The following IL33 variants were observed in gnomAD, a reference collection of about 807,000 sequenced individuals.
The protein encoded by IL33 is interleukin 33.
IL33 carries 37 observed loss-of-function variants against 27.3 expected under a neutral mutation model. The ratio of observed to expected loss-of-function variants is 1.36; its 90% CI spans 1.04 to 1.78. IL33 has a LOEUF of 1.78. IL33 is among the 40% of genes most tolerant of loss of function. The probability of loss-of-function intolerance (pLI) is 0.00; values close to 1 mark genes in which losing one functional copy is unlikely to be tolerated. For missense variants in IL33, 406 were observed against 311.4 expected (o/e 1.30, Z -2.29); for synonymous variants, 132 against 102.9 (o/e 1.28, Z -1.71).
Position 6,253,589 on chromosome 9 carries a change from C to T in IL33, c.507C>T (p.Pro169=). 3 of 1,607,846 alleles carry T rather than the reference C, an allele frequency of 1.9e-6. No individual in the cohort carries two copies. The highest frequency in any genetic ancestry group is 1.1e-5 in the South Asian group (1 of 90,402). ...TGAGTTACTATGAGTCTCAACACCCCTCAAATGAATCAGGTAATTTGGAGG... is the reference window on the plus strand; with the variant it reads ...TGAGTTACTATGAGTCTCAACACCCTTCAAATGAATCAGGTAATTTGGAGG... ...VLLSYYESQH[P]SNESGDGVDG... is the part of the protein sequence containing the mutation. Residue 169 remains proline (P), a synonymous_variant, in exon 6 of 8, where the codon CCC becomes CCT. Transcript: ENST00000682010.
chr9:6,243,076 G>C (rs1209415367), intron 2 of IL33, among the ~76,000 whole-genome samples: 2 of 152,192 alleles, frequency 1.3e-5, no homozygotes, highest in Non-Finnish European at 2.9e-5. Flanking sequence ...TGAGTGGTCT[G>C]CCCCATGATC....
chr9:6,235,874 GA>G (rs1221680004), intron 1 of IL33, among the ~76,000 whole-genome samples: 9 of 152,106 alleles, frequency 5.9e-5, no homozygotes, highest in African/African-American at 2.2e-4. Flanking sequence ...CAAGTTTTTG[GA>G]AGTCAATTCA....
chr9:6,240,774 T>A (rs887583460), intron 1 of IL33, among the ~76,000 whole-genome samples: 3 of 152,170 alleles, frequency 2.0e-5, no homozygotes, highest in Non-Finnish European at 2.9e-5. Flanking sequence ...CCTTTTTCCA[T>A]AATAAATTAA....
chr9:6,246,197 A>G (rs1013994127), intron 2 of IL33, among the ~76,000 whole-genome samples: 1 of 151,642 alleles, frequency 6.6e-6, no homozygotes. Flanking sequence ...ATTTTTTATT[A>G]TAAGGACTGC....
At chr9:6,219,176 G>T (rs2066362) in intron 1 of IL33, among the ~76,000 whole-genome samples, 33,966 of 151,390 alleles carry the variant, frequency 0.22, 5,028 homozygotes, top group African/African-American at 0.42. Flanking sequence ...CAGAAAGAAA[G>T]GGACCTTAAT....
chr9:6,220,868 C>G (rs1279201666), intron 1 of IL33, among the ~76,000 whole-genome samples: 1 of 152,154 alleles, frequency 6.6e-6, no homozygotes, highest in East Asian at 1.9e-4. Flanking sequence ...ATCCTCCCAC[C>G]TCAGCCTCCT....
chr9:6,243,520 AT>A (rs1819653736), intron 2 of IL33, among the ~76,000 whole-genome samples: 2 of 151,904 alleles, frequency 1.3e-5, no homozygotes, highest in Non-Finnish European at 2.9e-5. Context: ...TACCTGGCTA[AT>A]TTTTTGTATT....
intron 1 of IL33, among the ~76,000 whole-genome samples, chr9:6,216,859 C>T (rs1490479513): frequency 6.6e-6 from 1 of 152,164 alleles, no homozygotes; most frequent in East Asian, 1.9e-4. Context: ...CTTAATGGGA[C>T]CTGACCCTGG....
intron 1 of IL33, among the ~76,000 whole-genome samples, chr9:6,236,376 T>G (rs1232168619): frequency 6.6e-6 from 1 of 152,226 alleles, no homozygotes; most frequent in African/African-American, 2.4e-5. Flanking sequence ...CATTTACATA[T>G]TTTCTAAGTG....
intron 2 of IL33, among the ~76,000 whole-genome samples, chr9:6,245,654 G>T (rs190277834): frequency 6.6e-6 from 1 of 151,878 alleles, no homozygotes; most frequent in Non-Finnish European, 1.5e-5. Flanking sequence ...TAGAGAGGAC[G>T]GACTAGATTT....
intron 2 of IL33, among the ~76,000 whole-genome samples, chr9:6,245,079 C>T (rs1819753197): frequency 6.6e-6 from 1 of 152,166 alleles, no homozygotes; most frequent in Admixed American, 6.5e-5. Flanking sequence ...TTCCTCTTCT[C>T]CTACTTTCTT....
intron 7 of IL33, 35 bp downstream of exon 7, chr9:6,254,588 T>C (rs1307324750): frequency 7.9e-7 from 1 of 1,271,674 alleles, no homozygotes. Flanking sequence ...TCTATATATA[T>C]GATTACAGAA....
intron 3 of IL33, 106 bp downstream of exon 3, chr9:6,250,705 G>T: frequency 7.6e-7 from 1 of 1,320,104 alleles, no homozygotes; most frequent in Non-Finnish European, 1.0e-6. Context: ...GGTTCCTTTT[G>T]GAAAATATTA....
intron 1 of IL33, among the ~76,000 whole-genome samples, chr9:6,230,385 G>A (rs1169327288): frequency 6.6e-6 from 1 of 152,104 alleles, no homozygotes; most frequent in Non-Finnish European, 1.5e-5. Context: ...AGTGGTGGAG[G>A]GTAGGGGACA....
At chr9:6,218,607 T>TAC (rs1270938768) in intron 1 of IL33, among the ~76,000 whole-genome samples, 11 of 148,874 alleles carry the variant, frequency 7.4e-5, no homozygotes, top group African/African-American at 1.7e-4. Context: ...TATATATATA[T>TAC]ACACATATAT....
At chr9:6,247,693 G>A (rs10975516) in intron 2 of IL33, among the ~76,000 whole-genome samples, 61,913 of 151,792 alleles carry the variant, frequency 0.41, 13,668 homozygotes, top group African/African-American at 0.55. Context: ...CCCCAGTGGA[G>A]TGCTCTCTCC....
Position 6,256,734 on chromosome 9 carries a change from A to G in IL33, c.*566A>G, listed in dbSNP as rs1816753541. The G allele has an allele frequency of 5.7e-6, 1 of 174,014 alleles. No individual in the cohort carries two copies. Among genetic ancestry groups the G allele is most frequent in the Non-Finnish European group, 1.2e-5 (1 of 83,322 alleles). The allele number at this position is 174,014 out of a possible 1,614,324, so 10.8% of individuals were successfully genotyped here. A position where few individuals can be genotyped will look rare whatever the true frequency, so the allele number is the denominator to read the frequency against. Reference sequence around the variant, plus strand: ...AGCAGATCTCCCTTACTGTCAGGGGATATGGAACTTCAAAGGCCCACATGG... The same window carrying G: ...AGCAGATCTCCCTTACTGTCAGGGGGTATGGAACTTCAAAGGCCCACATGG... On this transcript the variant is annotated 3_prime_UTR_variant, in exon 8 of 8. Coordinates refer to ENST00000682010, the MANE Select transcript of IL33 (RefSeq NM_033439.4).
intron 1 of IL33, among the ~76,000 whole-genome samples, chr9:6,234,133 T>C (rs540345324): frequency 1.3e-5 from 2 of 152,306 alleles, no homozygotes; most frequent in African/African-American, 4.8e-5. Flanking sequence ...ATTCCAGAGT[T>C]TCATCTTCTT....
intron 1 of IL33, among the ~76,000 whole-genome samples, chr9:6,240,910 C>T (rs980935331): frequency 2.6e-5 from 4 of 151,886 alleles, no homozygotes; most frequent in African/African-American, 9.7e-5. Flanking sequence ...CCTTTATATC[C>T]TTATTCTATA....
Sources: gnomAD v4.1 joint callset for allele counts (sites outside exome capture counted in the v4.1 genomes callset) on GRCh38, gnomAD v4.1.1 for gene constraint, MANE v1.5 for transcripts, NCBI Gene and HGNC (gene_info 2026-07-23, HGNC 2026-07-21) for gene names.